TENM3: variants seen among roughly 807,000 people sequenced by gnomAD.
TENM3 encodes the protein teneurin transmembrane protein 3.
Under a neutral mutation model 255.1 loss-of-function variants are expected in TENM3, and 63 were observed. The ratio of observed to expected loss-of-function variants is 0.25; its 90% CI spans 0.20 to 0.30. The LOEUF (loss-of-function observed/expected upper bound fraction) is 0.30. TENM3 is among the 10% of genes least tolerant of loss of function. TENM3 has a pLI of 1.00. For synonymous variants in TENM3, 1,306 were observed against 1,322.3 expected (o/e 0.99, Z 0.27); for missense variants, 2,929 against 3,461.1 (o/e 0.85, Z 3.86).
intron 3 of TENM3, among the ~76,000 whole-genome samples, chr4:182,474,084 G>GT (rs1733427932): frequency 6.6e-6 from 1 of 152,168 alleles, no homozygotes; most frequent in Non-Finnish European, 1.5e-5. Flanking sequence ...TTGCCTCATG[G>GT]TAAGTTTCTA....
chr4:181,996,376 C>T, the TENM3 span, among the ~76,000 whole-genome samples: 1 of 152,060 alleles, frequency 6.6e-6, no homozygotes, highest in Non-Finnish European at 1.5e-5. Flanking sequence ...GGATGATGGA[C>T]AGCCATGCTG....
intron 1 of TENM3, among the ~76,000 whole-genome samples, chr4:182,322,745 A>G (rs1002709396): frequency 6.6e-6 from 1 of 152,192 alleles, no homozygotes; most frequent in Non-Finnish European, 1.5e-5. Flanking sequence ...AGACAGACCA[A>G]GACTGAGACC....
chr4:181,952,202 C>A, the TENM3 span, among the ~76,000 whole-genome samples: 1 of 152,270 alleles, frequency 6.6e-6, no homozygotes, highest in East Asian at 1.9e-4. Flanking sequence ...GGAAGCAAAT[C>A]ATCGTGTGTT....
intron 7 of TENM3, among the ~76,000 whole-genome samples, chr4:182,673,972 T>C (rs542483985): frequency 3.3e-5 from 5 of 152,198 alleles, no homozygotes; most frequent in African/African-American, 1.2e-4. Context: ...TCGCTTAATA[T>C]AGGTTTCATC....
chr4:182,527,289 A>G (rs1458218428), intron 3 of TENM3, among the ~76,000 whole-genome samples: 3 of 152,206 alleles, frequency 2.0e-5, no homozygotes, highest in Admixed American at 1.3e-4. Context: ...ATTTCCAAAA[A>G]GAAACTTGCT....
At chr4:181,699,609 G>A in the TENM3 span, among the ~76,000 whole-genome samples, 2 of 152,018 alleles carry the variant, frequency 1.3e-5, no homozygotes, top group Non-Finnish European at 2.9e-5. Flanking sequence ...AATTGGGAAG[G>A]AGATTTAGGG....
At chr4:182,606,076 C>G (rs1748390171) in intron 4 of TENM3, among the ~76,000 whole-genome samples, 1 of 152,170 alleles carries the variant, frequency 6.6e-6, no homozygotes, top group South Asian at 2.1e-4. Context: ...CTATTGCTAA[C>G]TTAGAGCAAA....
chr4:182,650,889 A>ATATATATAT (rs1554007797), intron 5 of TENM3, among the ~76,000 whole-genome samples: 1 of 29,752 alleles, frequency 3.4e-5, no homozygotes, highest in African/African-American at 2.4e-4. Context: ...AATAAAAAAA[A>ATATATATAT]ATATATATAT....
chr4:182,556,931 G>A (rs1476437341), intron 3 of TENM3, among the ~76,000 whole-genome samples: 1 of 152,150 alleles, frequency 6.6e-6, no homozygotes, highest in Admixed American at 6.5e-5. Flanking sequence ...TGTGCATTAG[G>A]TTACCCTAGA....
chr4:182,483,685 A>T (rs1051513471), intron 3 of TENM3, among the ~76,000 whole-genome samples: 4 of 152,096 alleles, frequency 2.6e-5, no homozygotes, highest in African/African-American at 9.7e-5. Context: ...AAACTACCTG[A>T]TACTGGTAGT....
chr4:181,478,264 T>C, the TENM3 span, among the ~76,000 whole-genome samples: 1 of 152,254 alleles, frequency 6.6e-6, no homozygotes, highest in Non-Finnish European at 1.5e-5. Flanking sequence ...AACATTATCA[T>C]ACGGTATTAT....
chr4:181,898,429 A>G, the TENM3 span, among the ~76,000 whole-genome samples: 1 of 152,028 alleles, frequency 6.6e-6, no homozygotes, highest in Non-Finnish European at 1.5e-5. Flanking sequence ...TATATTTTCC[A>G]TTGATTAAAT....
chr4:181,858,014 T>A, the TENM3 span, among the ~76,000 whole-genome samples: 1 of 152,228 alleles, frequency 6.6e-6, no homozygotes, highest in Non-Finnish European at 1.5e-5. Flanking sequence ...CCTGAACATA[T>A]GCTGCATTCA....
chr4:181,449,435 G>A, the TENM3 span, among the ~76,000 whole-genome samples: 3 of 152,162 alleles, frequency 2.0e-5, no homozygotes, highest in African/African-American at 7.2e-5. Flanking sequence ...TGAGTAATAA[G>A]AGTATTATAG....
intron 24 of TENM3, among the ~76,000 whole-genome samples, chr4:182,788,891 A>G (rs1765889242): frequency 6.6e-6 from 1 of 152,202 alleles, no homozygotes; most frequent in African/African-American, 2.4e-5. Flanking sequence ...ATGGTTTTGA[A>G]CAAATGCCAG....
intron 12 of TENM3, among the ~76,000 whole-genome samples, chr4:182,697,316 C>T (rs1350686515): frequency 1.3e-5 from 2 of 152,268 alleles, no homozygotes; most frequent in Admixed American, 6.5e-5. Flanking sequence ...GACATAGATG[C>T]CTCATGATCT....
chr4:181,591,940 G>A, the TENM3 span, among the ~76,000 whole-genome samples: 3 of 140,912 alleles, frequency 2.1e-5, no homozygotes, highest in African/African-American at 7.7e-5. Context: ...AAATAGCTAT[G>A]CTGAGTGAAA....
At chr4:182,726,353 G>A (rs1277914049) in intron 13 of TENM3, among the ~76,000 whole-genome samples, 2 of 19,876 alleles carry the variant, frequency 1.0e-4, no homozygotes, top group African/African-American at 3.5e-4. Context: ...TAACTGAAAA[G>A]CCCAGGAGGT....
chr4:181,786,557 T>G, the TENM3 span, among the ~76,000 whole-genome samples: 1 of 151,928 alleles, frequency 6.6e-6, no homozygotes, highest in Non-Finnish European at 1.5e-5. Flanking sequence ...CCAGGCAATC[T>G]CTTGGAGTTG....
Sources: gnomAD v4.1 joint callset for allele counts (sites outside exome capture counted in the v4.1 genomes callset) on GRCh38, gnomAD v4.1.1 for gene constraint, MANE v1.5 for transcripts, NCBI Gene and HGNC (gene_info 2026-07-23, HGNC 2026-07-21) for gene names.